Variants in SHISAL1 observed in about 807,000 individuals in gnomAD.
SHISAL1 encodes the protein shisa like 1, also known as protein shisa-like-1.
SHISAL1 carries 9 observed loss-of-function variants against 22.6 expected under a neutral mutation model. That is an observed-to-expected ratio of 0.40 (90% CI 0.24 to 0.70). The LOEUF (loss-of-function observed/expected upper bound fraction) is 0.70. Among genes scored for constraint, SHISAL1 ranks in the 30% least tolerant of loss-of-function variants. SHISAL1 has a pLI of 0.39. For missense variants in SHISAL1, 246 were observed against 270.6 expected (o/e 0.91, Z 0.64); for synonymous variants, 119 against 115.4 (o/e 1.03, Z -0.20).
At chr22:44,251,861 G>A (rs2055049807) in intron 4 of SHISAL1, among the ~76,000 whole-genome samples, 2 of 152,186 alleles carry the variant, frequency 1.3e-5, no homozygotes, top group Admixed American at 1.3e-4. Context: ...AACCATATCA[G>A]TTGCCTTACA....
At position 44,267,542 on chromosome 22, in the gene SHISAL1, C is replaced by T. The variant is rs544148266; in HGVS notation, c.*-17857G>A. 1.0e-3 allele frequency among the ~76,000 whole-genome samples: 154 copies of T among 152,266 alleles called. 2 individuals carry two copies. The South Asian group carries it at 0.013, about 13-fold the overall frequency. Reference sequence around the variant, plus strand: ...GGAGAGCGGCAGCCTCTCTGGTAGACCCCCAGCTGCCTTCCCAAAGGCAAA... The same window carrying T: ...GGAGAGCGGCAGCCTCTCTGGTAGATCCCCAGCTGCCTTCCCAAAGGCAAA... On this transcript the variant is annotated intron_variant, in intron 4 of 4. Transcript: ENST00000381176.
chr22:44,275,791 G>A (rs1473345128), intron 4 of SHISAL1, among the ~76,000 whole-genome samples: 1 of 152,196 alleles, frequency 6.6e-6, no homozygotes, highest in Non-Finnish European at 1.5e-5. Context: ...TGCAGCTGGG[G>A]AGGCTCAATG....
chr22:44,293,909 G>A (rs945452921), intron 3 of SHISAL1, among the ~76,000 whole-genome samples: 1 of 152,220 alleles, frequency 6.6e-6, no homozygotes. Flanking sequence ...ATCAGCAGCC[G>A]CCAGGACCCC....
chr22:44,274,595 A>G (rs562177105), intron 4 of SHISAL1, among the ~76,000 whole-genome samples: 2 of 152,300 alleles, frequency 1.3e-5, no homozygotes, highest in South Asian at 4.2e-4. Flanking sequence ...GCTGTAGGGA[A>G]TCCCACACAT....
At chr22:44,252,704 G>A (rs1178200245) in intron 4 of SHISAL1, among the ~76,000 whole-genome samples, 2 of 151,910 alleles carry the variant, frequency 1.3e-5, no homozygotes, top group African/African-American at 2.4e-5. Flanking sequence ...CATAGAAAAG[G>A]ATGGGCAGGG....
At chr22:44,275,561 G>C (rs1601787723) in intron 4 of SHISAL1, among the ~76,000 whole-genome samples, 1 of 152,164 alleles carries the variant, frequency 6.6e-6, no homozygotes, top group Non-Finnish European at 1.5e-5. Flanking sequence ...CCATAAGGCA[G>C]CTATGCAGCC....
chr22:44,299,911 G>GACAGAAAC (rs2055414585), intron 2 of SHISAL1, among the ~76,000 whole-genome samples: 1 of 150,212 alleles, frequency 6.7e-6, no homozygotes, highest in African/African-American at 2.5e-5. Flanking sequence ...CAGAGACAGA[G>GACAGAAAC]ACAGAAACAG....
At chr22:44,255,349 A>G (rs1043469471) in intron 4 of SHISAL1, among the ~76,000 whole-genome samples, 3 of 152,116 alleles carry the variant, frequency 2.0e-5, no homozygotes, top group Non-Finnish European at 4.4e-5. Context: ...CAAACTTAAT[A>G]TACCCCAAAC....
At chr22:44,307,694 G>C (rs1303946001) in intron 1 of SHISAL1, among the ~76,000 whole-genome samples, 3 of 152,186 alleles carry the variant, frequency 2.0e-5, no homozygotes, top group African/African-American at 7.2e-5. Context: ...CGGTCAGCCT[G>C]GGACTGCTGC....
intron 4 of SHISAL1, among the ~76,000 whole-genome samples, chr22:44,276,860 G>A (rs2055243489): frequency 6.6e-6 from 1 of 152,120 alleles, no homozygotes; most frequent in Non-Finnish European, 1.5e-5. Context: ...AAGTGAAAGG[G>A]AGGAGCGCTT....
At position 44,296,679 on chromosome 22, in the gene SHISAL1, T is replaced by C. The variant is rs779700656; in HGVS notation, c.274A>G (p.Met92Val). 6 of 1,613,548 alleles carry C rather than the reference T, an allele frequency of 3.7e-6. No individual in the cohort carries two copies. Among genetic ancestry groups the C allele is most frequent in the South Asian group, 1.1e-5 (1 of 91,066 alleles). ...ANLTASSEGYMHNNYTALLGV... is the reference protein window; with the variant it reads ...ANLTASSEGYVHNNYTALLGV... ...CCCCAGAGTGGCACTCACTTGTGCA[T>C]GTAACCCTCGGAGCTGGCCGTGAGG... is the stretch of plus-strand genomic sequence containing the variant. Residue 92 changes from methionine (M) to valine (V), a missense_variant, in exon 3 of 5, where the codon ATG becomes GTG. Met to Val is a conservative substitution (Grantham distance 21, BLOSUM62 1). Around this residue, in one of 2 missense-constraint regions of SHISAL1, gnomAD observed 110 missense variants for 153.1 expected, o/e 0.72. Coordinates refer to ENST00000381176, the MANE Select transcript of SHISAL1 (RefSeq NM_001099294.2).
In SHISAL1 at chr22:44,285,744, T is replaced by C. The variant is rs1271704070; in HGVS notation, c.283A>G (p.Asn95Asp). ...CACACTCCCAACAAGGCGGTGTAAT[T>C]GCTGCGAACAAACAGAGAGGGAGTG... ...TASSEGYMHN[N>D]YTALLGVWIY... The change falls in exon 4 of 5, where the codon AAT becomes GAT. Residue 95 changes from asparagine to aspartate, a missense_variant and splice_region_variant. Around this residue, in one of 2 missense-constraint regions of SHISAL1, gnomAD observed 110 missense variants for 153.1 expected, o/e 0.72. Transcript: ENST00000381176. 6.2e-7 allele frequency: 1 copy of C among 1,608,152 alleles called. No individual in the cohort carries two copies. Among genetic ancestry groups the C allele is most frequent in the African/African-American group, 1.3e-5 (1 of 74,950 alleles).
intron 3 of SHISAL1, among the ~76,000 whole-genome samples, chr22:44,287,781 A>T (rs1181373653): frequency 1.3e-5 from 2 of 152,104 alleles, no homozygotes; most frequent in African/African-American, 4.8e-5. Flanking sequence ...CCCGGGGTAG[A>T]TGTCCATGTA....
At chr22:44,296,320 C>T (rs1030777485) in intron 3 of SHISAL1, among the ~76,000 whole-genome samples, 1 of 152,192 alleles carries the variant, frequency 6.6e-6, no homozygotes, top group South Asian at 2.1e-4. Context: ...CCACCACATC[C>T]TGCTAATTTT....
At chr22:44,263,893 A>G (rs1182183030) in intron 4 of SHISAL1, among the ~76,000 whole-genome samples, 2 of 152,188 alleles carry the variant, frequency 1.3e-5, no homozygotes, top group African/African-American at 4.8e-5. Context: ...GCTTTAAGCT[A>G]CTGCATTTGT....
intron 1 of SHISAL1, among the ~76,000 whole-genome samples, chr22:44,304,172 A>T (rs555958183): frequency 2.4e-4 from 37 of 152,144 alleles, no homozygotes; most frequent in African/African-American, 8.7e-4. Context: ...GGGGACACCA[A>T]CCTGGGTCCC....
rs2054995571 is a variant in SHISAL1, at chr22:44,245,830, T to G, written c.*3855A>C. Reference sequence around the variant, plus strand: ...TTTCCCTGACATTCCCAAGTCCTCCTCTTCAGCTCTGGGCCAAAATTTGAC... The same window carrying G: ...TTTCCCTGACATTCCCAAGTCCTCCGCTTCAGCTCTGGGCCAAAATTTGAC... On this transcript the variant is annotated 3_prime_UTR_variant, in exon 5 of 5. Coordinates refer to ENST00000381176, the MANE Select transcript of SHISAL1 (RefSeq NM_001099294.2). 1.3e-5 allele frequency: 2 copies of G among 152,232 alleles called. No individual in the cohort carries two copies. Among genetic ancestry groups the G allele is most frequent in the African/African-American group, 2.4e-5 (1 of 41,464 alleles). 9.4% of individuals were successfully genotyped at this position (152,232 alleles called of 1,614,324 possible). A position where few individuals can be genotyped will look rare whatever the true frequency, so the allele number is the denominator to read the frequency against.
At chr22:44,330,839 T>C in the SHISAL1 span, among the ~76,000 whole-genome samples, 1 of 151,970 alleles carries the variant, frequency 6.6e-6, no homozygotes, top group African/African-American at 2.4e-5. Flanking sequence ...GGGATCAATG[T>C]TGATTCGGCC....
Position 44,300,878 on chromosome 22 carries a change from C to T in SHISAL1, c.67+1G>A. 1 of 1,613,426 alleles carries T rather than the reference C, an allele frequency of 6.2e-7. No homozygotes were observed. The highest frequency in any genetic ancestry group is 8.5e-7 in the Non-Finnish European group (1 of 1,179,408). On this transcript the variant is annotated splice_donor_variant, in intron 2 of 4. Coordinates refer to ENST00000381176, the MANE Select transcript of SHISAL1 (RefSeq NM_001099294.2). LOFTEE classifies it high-confidence loss of function. ...GCCCCCAGCATCCACGGAGGTTTTA[C>T]CTGCAGAAAACAGCAATGAGAAGAG...
Sources: gnomAD v4.1 joint callset for allele counts (sites outside exome capture counted in the v4.1 genomes callset) on GRCh38, gnomAD v4.1.1 for gene constraint, gnomAD v4.1.1 regional missense constraint, MANE v1.5 for transcripts, NCBI Gene and HGNC (gene_info 2026-07-23, HGNC 2026-07-21) for gene names.